The following KRT9 variants were observed in gnomAD, a reference collection of about 807,000 sequenced individuals.
The protein encoded by KRT9 is keratin, type I cytoskeletal 9.
KRT9 carries 34 observed loss-of-function variants against 51.4 expected under a neutral mutation model. The observed-to-expected ratio is 0.66, with a 90% CI of 0.50 to 0.88. The LOEUF (loss-of-function observed/expected upper bound fraction) is 0.88. Ranked by LOEUF, KRT9 falls within the 40% of genes least tolerant of loss-of-function variation. The pLI is 0.00. For synonymous variants in KRT9, 292 were observed against 289.7 expected (o/e 1.01, Z -0.08); for missense variants, 753 against 790.3 (o/e 0.95, Z 0.57).
intron 5 of KRT9, 33 bp from the exon 6 acceptor site, chr17:41,568,418 C>T: frequency 1.2e-6 from 2 of 1,613,610 alleles, no homozygotes; most frequent in Non-Finnish European, 1.7e-6. Context: ...AAGAGGGATG[C>T]TACATCATAA....
chr17:41,567,855 T>G, intron 6 of KRT9, 105 bp from the exon 7 acceptor site: 1 of 1,572,012 alleles, frequency 6.4e-7, no homozygotes, highest in Non-Finnish European at 8.6e-7. Flanking sequence ...CTTTCTGTTT[T>G]CCTTCCTGGG....
chr17:41,568,779 CAGCCATGGAGGGTT>C (rs1906968633), intron 4 of KRT9, 146 bp from the exon 5 acceptor site: 1 of 1,080,470 alleles, frequency 9.3e-7, no homozygotes, highest in African/African-American at 1.5e-5. Flanking sequence ...GGGTACCCTC[CAGCCATGGAGGGTT>C]GTCCAGTCCT....
At chr17:41,570,323 AT>A in intron 1 of KRT9, 103 bp from the exon 2 acceptor site, 8 of 978,492 alleles carry the variant, frequency 8.2e-6, no homozygotes, top group Non-Finnish European at 1.2e-5. Context: ...ATCCAGGAAG[AT>A]TCTCAAGAGG....
rs747717097 is a variant in KRT9, at chr17:41,569,582, C to A, written c.888G>T (p.Met296Ile). The A allele has an allele frequency of 1.9e-6, 3 of 1,613,746 alleles. No homozygotes were observed. The highest frequency in any genetic ancestry group is 1.1e-5 in the South Asian group (1 of 91,052). ...MALKKNHKEE[M>I]SQLTGQNSGD... is the part of the protein sequence containing the mutation. ...CACTGTTCTGCCCAGTCAGCTGACT[C>A]ATCTCCTGCCAGGGAAGAAGGGGAG... is the stretch of plus-strand genomic sequence containing the variant. Residue 296 changes from methionine (M) to isoleucine (I), a missense_variant, in exon 4 of 8, where the codon ATG becomes ATT. Transcript: ENST00000246662.
At position 41,571,646 on chromosome 17, in the gene KRT9, C is replaced by A. The variant is rs746202552; in HGVS notation, c.347G>T (p.Gly116Val). ...SSSGGFGGGF[G>V]GGSGGGFGGG... ...ACCAAAGCCACCTCCAGAACCACCA[C>A]CAAAGCCACCTCCAAAACCCCCAGA... The change falls in exon 1 of 8, where the codon GGT (glycine) becomes GTT (valine). Residue 116 changes from glycine to valine, a missense_variant. By Grantham distance (109) the Gly-to-Val change is moderately radical. Coordinates refer to ENST00000246662, the MANE Select transcript of KRT9 (RefSeq NM_000226.4). 2 of 1,604,912 alleles carry A rather than the reference C, an allele frequency of 1.2e-6. No individual in the cohort carries two copies. The highest frequency in any genetic ancestry group is 4.5e-5 in the East Asian group (2 of 44,132).
chr17:41,571,423 G>A lies in KRT9; in HGVS notation c.570C>T (p.Asp190=). 1 of 1,614,004 alleles carries A rather than the reference G, an allele frequency of 6.2e-7. No homozygotes were observed. The highest frequency in any genetic ancestry group is 1.1e-5 in the South Asian group (1 of 91,066). Residue 190 remains aspartate (D), a synonymous_variant, in exon 1 of 8, where the codon GAC becomes GAT. Transcript: ENST00000246662. ...TCTGGATAGCAGCAGGTCCCTTCTTGTCGTACCAATCCTGGATCTTATTCT... is the reference window on the plus strand; with the variant it reads ...TCTGGATAGCAGCAGGTCCCTTCTTATCGTACCAATCCTGGATCTTATTCT... ...DLENKIQDWY[D]KKGPAAIQKN...
chr17:41,570,393 A>T (rs1227702103), intron 1 of KRT9, among the ~76,000 whole-genome samples, 173 bp from the exon 2 acceptor site: 1 of 152,212 alleles, frequency 6.6e-6, no homozygotes, highest in Admixed American at 6.5e-5. Context: ...TTCAGCGAAG[A>T]TGTTTGGTGT....
At chr17:41,566,307 C>T (rs1210201186) in intron 7 of KRT9, among the ~76,000 whole-genome samples, 155 bp from the exon 8 acceptor site, 1 of 152,132 alleles carries the variant, frequency 6.6e-6, no homozygotes, top group Non-Finnish European at 1.5e-5. Flanking sequence ...CTGGGGTCTC[C>T]CAATCTACTG....
At position 41,567,327 on chromosome 17, in the gene KRT9, C is replaced by T. The variant is rs372749478; in HGVS notation, c.1818G>A (p.Ala606=). ...SGGSYGGGEE[A]SGSGGGYGGG... ...CTCCGTAGCCGCCACCACTTCCACTCGCTTCTTCACCGCCTCCGTAGCTGC... is the reference window on the plus strand; with the variant it reads ...CTCCGTAGCCGCCACCACTTCCACTTGCTTCTTCACCGCCTCCGTAGCTGC... The change falls in exon 7 of 8, where the codon GCG becomes GCA. Residue 606 remains alanine (A), a synonymous_variant. Coordinates refer to ENST00000246662, the MANE Select transcript of KRT9 (RefSeq NM_000226.4). The T allele has an allele frequency of 6.8e-6, 11 of 1,614,002 alleles. No individual in the cohort carries two copies. Among genetic ancestry groups the T allele is most frequent in the Admixed American group, 5.0e-5 (3 of 59,992 alleles).
Position 41,568,340 on chromosome 17 carries a change from A to G in KRT9, c.1216T>C (p.Cys406Arg), listed in dbSNP as rs77688767. Residue 406 changes from cysteine to arginine, a missense_variant, in exon 6 of 8, where the codon TGT becomes CGT. Physicochemically the swap from Cys to Arg is radical, Grantham distance 180. Coordinates refer to ENST00000246662, the MANE Select transcript of KRT9 (RefSeq NM_000226.4). Reference protein sequence around the residue: ...KSLEDTKNRYCGQLQMIQEQI... With the variant: ...KSLEDTKNRYRGQLQMIQEQI... ...TCCTGGATCATCTGCAGCTGGCCAC[A>G]GTAGCGGTTCTTCGTGTCTTCCAAG... 835 of 1,614,182 alleles carry G rather than the reference A, an allele frequency of 5.2e-4. 5 individuals are homozygous for G. The East Asian group carries it at 0.016, about 31-fold the overall frequency.
chr17:41,568,516 G>A lies in KRT9; in HGVS notation c.1162C>T (p.Leu388Phe). 1.2e-6 allele frequency: 2 copies of A among 1,614,156 alleles called. No homozygotes were observed. Among genetic ancestry groups the A allele is most frequent in the Non-Finnish European group, 1.7e-6 (2 of 1,180,030 alleles). ...ATAGCAGAACTACCAACCTTGCTGA[G>A]CTGAGACTGCAGCTCAATCTCCAAC... ...QELEIELQSQ[L>F]SKKAALEKSL... Residue 388 changes from leucine to phenylalanine, a missense_variant, in exon 5 of 8, where the codon CTC becomes TTC. Transcript: ENST00000246662.
At position 41,569,531 on chromosome 17, in the gene KRT9, A is replaced by C; in HGVS notation, c.939T>G (p.Val313=). ...NSGDVNVEIN[V]APGKDLTKTL... Reference sequence around the variant, plus strand: ...TCTTGGTGAGATCTTTGCCAGGAGCAACGTTTATCTCCACATTGACATCTC... The same window carrying C: ...TCTTGGTGAGATCTTTGCCAGGAGCCACGTTTATCTCCACATTGACATCTC... Residue 313 remains valine (V), a synonymous_variant, in exon 4 of 8, where the codon GTT becomes GTG. Coordinates refer to ENST00000246662, the MANE Select transcript of KRT9 (RefSeq NM_000226.4). 14 of 1,614,178 alleles carry C rather than the reference A, an allele frequency of 8.7e-6. No individual in the cohort carries two copies. Among genetic ancestry groups the C allele is most frequent in the Non-Finnish European group, 1.2e-5 (14 of 1,180,034 alleles).
chr17:41,570,571 G>T (rs372729520), intron 1 of KRT9, among the ~76,000 whole-genome samples: 1 of 152,222 alleles, frequency 6.6e-6, no homozygotes, highest in Non-Finnish European at 1.5e-5. Flanking sequence ...GGCAATGGGA[G>T]ATCAAGAAAG....
rs1906907271 is a variant in KRT9, at chr17:41,567,406, C to CCCCTGGA, written c.1732_1738dup (p.Gly580ValfsTer18). 1.3e-6 allele frequency: 2 copies of CCCCTGGA among 1,582,840 alleles called. No homozygotes were observed. The highest frequency in any genetic ancestry group is 1.7e-6 in the Non-Finnish European group (2 of 1,163,378). On this transcript the variant is annotated frameshift_variant, in exon 7 of 8. Coordinates refer to ENST00000246662, the MANE Select transcript of KRT9 (RefSeq NM_000226.4). LOFTEE classifies it low-confidence loss of function (END_TRUNC). The stretch of plus-strand genomic sequence containing the variant: ...TCCACCATGGCTGCCTCCACTTCCT[C>CCCCTGGA]CCCTGGACCCACTTCCTCCACCATA...
intron 6 of KRT9, 42 bp downstream of exon 6, chr17:41,568,120 C>T (rs2036700275): frequency 6.5e-7 from 1 of 1,541,018 alleles, no homozygotes. Flanking sequence ...TATCAGAGGC[C>T]TAGGGACCCC....
rs370687378 is a variant in KRT9, at chr17:41,569,432, C to T, written c.1038G>A (p.Glu346=). ...KNRKDIENQY[E]TQITQIEHEV... is the part of the protein sequence containing the mutation. ...GGCAGCCCACTCTGCTCACCTGAGT[C>T]TCATATTGATTCTCGATGTCCTTTC... The change falls in exon 4 of 8, where the codon GAG becomes GAA. Residue 346 remains glutamate (E), a synonymous_variant. Coordinates refer to ENST00000246662, the MANE Select transcript of KRT9 (RefSeq NM_000226.4). 1.2e-6 allele frequency: 2 copies of T among 1,613,972 alleles called. No individual in the cohort carries two copies. Among genetic ancestry groups the T allele is most frequent in the Admixed American group, 3.3e-5 (2 of 59,988 alleles).
Position 41,567,744 on chromosome 17 carries a change from G to A in KRT9, c.1401C>T (p.Ser467=), listed in dbSNP as rs946469774. The A allele has an allele frequency of 3.1e-6, 5 of 1,614,218 alleles. No homozygotes were observed. Among genetic ancestry groups the A allele is most frequent in the African/African-American group, 1.3e-5 (1 of 75,052 alleles). Residue 467 remains serine, a synonymous_variant, in exon 7 of 8, where the codon TCC becomes TCT. Coordinates refer to ENST00000246662, the MANE Select transcript of KRT9 (RefSeq NM_000226.4). ...CAAGGCCAATTTTTCCAGCTCCGGA[G>A]GATTCACTAAGAAAGAAAGAAAACA... ...LLEGGQEDFE[S]SGAGKIGLGG...
rs143343698 is a variant in KRT9, at chr17:41,572,049, A to G, written c.-57T>C. 675 of 1,538,170 alleles carry G rather than the reference A, an allele frequency of 4.4e-4. 5 individuals carry two copies. In the East Asian group the frequency reaches 0.015, roughly 35 times the overall value. The stretch of plus-strand genomic sequence containing the variant: ...AGTGATAGGAGTGCTACCGGCTCCC[A>G]AGTGCAGGGTACAGAGCTGTCCCTG... On this transcript the variant is annotated 5_prime_UTR_variant, in exon 1 of 8. Transcript: ENST00000246662.
At position 41,567,671 on chromosome 17, in the gene KRT9, C is replaced by T; in HGVS notation, c.1474G>A (p.Gly492Arg). ...CCTCCACCATAGCTGCCTCCACTTC[C>T]TCCCCTGGATCCTCTTCCATAACTG... ...GGSYGRGSRGGSGGSYGGGGS... is the reference protein window; with the variant it reads ...GGSYGRGSRGRSGGSYGGGGS... Residue 492 changes from glycine (G) to arginine (R), a missense_variant, in exon 7 of 8, where the codon GGA becomes AGA. Around this residue, in one of 3 missense-constraint regions of KRT9, gnomAD observed 507 missense variants for 563.7 expected, o/e 0.90. Transcript: ENST00000246662. The T allele has an allele frequency of 6.2e-7, 1 of 1,612,554 alleles. No individual in the cohort carries two copies. The highest frequency in any genetic ancestry group is 8.5e-7 in the Non-Finnish European group (1 of 1,179,130).
Sources: allele counts gnomAD v4.1 joint callset (sites outside exome capture counted in the v4.1 genomes callset), GRCh38; gene constraint gnomAD v4.1.1; regional missense constraint gnomAD v4.1.1; transcripts MANE v1.5; gene names NCBI Gene and HGNC (gene_info 2026-07-23, HGNC 2026-07-21).